The following BAIAP2 variants were observed in gnomAD, a reference collection of about 807,000 sequenced individuals.
The protein encoded by BAIAP2 is BAR/IMD domain-containing adapter protein 2.
BAIAP2 carries 18 observed loss-of-function variants against 63.0 expected under a neutral mutation model. The observed-to-expected ratio is 0.29, with a 90% CI of 0.20 to 0.42. The LOEUF (loss-of-function observed/expected upper bound fraction) is 0.42. Among genes scored for constraint, BAIAP2 ranks in the 10% least tolerant of loss-of-function variants. The probability of loss-of-function intolerance (pLI) is 1.00; values close to 1 mark genes in which losing one functional copy is unlikely to be tolerated. For missense variants in BAIAP2, 610 were observed against 734.3 expected (o/e 0.83, Z 1.96); for synonymous variants, 386 against 307.6 (o/e 1.25, Z -2.67).
chr17:81,109,387 A>C, intron 13 of BAIAP2: 1 of 997,298 alleles, frequency 1.0e-6, no homozygotes, highest in Non-Finnish European at 1.2e-6. Context: ...AAAAAAAAAA[A>C]AAAAAAAAGA....
chr17:81,099,062 G>T (rs773218373), intron 6 of BAIAP2, among the ~76,000 whole-genome samples: 63 of 146,074 alleles, frequency 4.3e-4, no homozygotes, highest in South Asian at 8.9e-4. Context: ...GCAGCAATCA[G>T]GCCTACTTCT....
At chr17:81,099,429 GGGCTGAGAT>G (rs111354722) in intron 6 of BAIAP2, among the ~76,000 whole-genome samples, 34,914 of 151,682 alleles carry the variant, frequency 0.23, 4,621 homozygotes, top group Admixed American at 0.36. Flanking sequence ...TTTCGTGCTG[GGGCTGAGAT>G]GGCTGAGATG....
intron 13 of BAIAP2, chr17:81,109,050 C>T: frequency 1.3e-6 from 2 of 1,520,150 alleles, no homozygotes; most frequent in Non-Finnish European, 1.8e-6. Flanking sequence ...CGCCTTCCCC[C>T]TGGTCTCGTC....
At chr17:81,092,178 C>T (rs567190902) in intron 6 of BAIAP2, among the ~76,000 whole-genome samples, 10 of 152,378 alleles carry the variant, frequency 6.6e-5, no homozygotes, top group Admixed American at 5.9e-4. Context: ...AGCTGCACCC[C>T]ACCTGAGCTG....
chr17:81,071,165 G>A (rs905424296), intron 3 of BAIAP2, among the ~76,000 whole-genome samples: 3 of 152,012 alleles, frequency 2.0e-5, no homozygotes, highest in Non-Finnish European at 4.4e-5. Flanking sequence ...TTGTAGGTGG[G>A]AGAAGAACTC....
chr17:81,041,697 C>T (rs2047101619), intron 1 of BAIAP2, among the ~76,000 whole-genome samples: 1 of 152,148 alleles, frequency 6.6e-6, no homozygotes, highest in Non-Finnish European at 1.5e-5. Context: ...GCCCCAGCCT[C>T]CCAAGTAGCT....
In BAIAP2 at chr17:81,049,055, A is replaced by G. The variant is rs368351919; in HGVS notation, c.55-4613A>G. Among the ~76,000 whole-genome samples, 148 of 152,338 alleles carry G rather than the reference A, an allele frequency of 9.7e-4. 2 individuals carry two copies. The highest frequency in any genetic ancestry group is 3.0e-3 in the African/African-American group (126 of 41,578). ...GTTCCCTGGTCAATAGTGAATGAAC[A>G]AACGAGGAACTGGAAGTCCGTGCCG... is the stretch of plus-strand genomic sequence containing the variant. On this transcript the variant is annotated intron_variant, in intron 1 of 13. Transcript: ENST00000428708.
At chr17:81,055,075 C>T (rs907257397) in intron 2 of BAIAP2, among the ~76,000 whole-genome samples, 1 of 151,970 alleles carries the variant, frequency 6.6e-6, no homozygotes, top group African/African-American at 2.4e-5. Context: ...TGCCGGCGCC[C>T]CCGGCTCCTC....
At chr17:81,085,958 C>T (rs2055548070) in intron 5 of BAIAP2, among the ~76,000 whole-genome samples, 1 of 152,212 alleles carries the variant, frequency 6.6e-6, no homozygotes, top group African/African-American at 2.4e-5. Context: ...GGTTCCATGC[C>T]CCGGCTTTGG....
At chr17:81,045,937 C>T (rs1407505674) in intron 1 of BAIAP2, among the ~76,000 whole-genome samples, 1 of 152,180 alleles carries the variant, frequency 6.6e-6, no homozygotes, top group African/African-American at 2.4e-5. Flanking sequence ...TTCCTGCCTC[C>T]AGAGAGGTGC....
At chr17:81,058,173 G>C (rs1268622394) in intron 3 of BAIAP2, among the ~76,000 whole-genome samples, 3 of 152,354 alleles carry the variant, frequency 2.0e-5, no homozygotes, top group Middle Eastern at 3.4e-3. Flanking sequence ...CCCCTGAGGC[G>C]TGCAGCCTGG....
chr17:81,090,998 T>C (rs1170203750), intron 6 of BAIAP2, among the ~76,000 whole-genome samples: 2 of 152,110 alleles, frequency 1.3e-5, no homozygotes, highest in Non-Finnish European at 2.9e-5. Context: ...CTGGGCTGGC[T>C]GGCCCCGCCT....
intron 1 of BAIAP2, among the ~76,000 whole-genome samples, chr17:81,042,342 G>GAT (rs2047201253): frequency 6.6e-6 from 1 of 151,028 alleles, no homozygotes; most frequent in South Asian, 2.1e-4. Context: ...TTTTGGTAGA[G>GAT]ATGAGGTCTT....
At chr17:81,104,253 A>G (rs1227235674) in intron 9 of BAIAP2, 145 bp downstream of exon 9, 16 of 962,080 alleles carry the variant, frequency 1.7e-5, no homozygotes, top group Non-Finnish European at 1.6e-5. Flanking sequence ...CATGTGGTAC[A>G]CACACGTGTG....
chr17:81,047,696 ACG>A (rs1410015760), intron 1 of BAIAP2, among the ~76,000 whole-genome samples: 1 of 151,500 alleles, frequency 6.6e-6, no homozygotes, highest in African/African-American at 2.4e-5. Flanking sequence ...CCCACAGCAC[ACG>A]CACGGGTCCA....
chr17:81,035,298 A>G lies in BAIAP2; in HGVS notation c.44A>G (p.Asn15Ser), dbSNP rs564046878. Residue 15 changes from asparagine (N) to serine (S), a missense_variant, in exon 1 of 14, where the codon AAT becomes AGT. Physicochemically the swap from Asn to Ser is conservative, Grantham distance 46. Transcript: ENST00000428708. ...GAGGAGATGCACCGGCTCACGGAAA[A>G]TGTCTATAAGGTGAGCGCCCCCCGG... ...RSEEMHRLTE[N>S]VYKTIMEQFN... The G allele has an allele frequency of 5.3e-6, 8 of 1,503,966 alleles. No individual in the cohort carries two copies. The East Asian group carries it at 2.3e-4, about 43-fold the overall frequency. 93.2% of individuals were successfully genotyped at this position (1,503,966 alleles called of 1,614,324 possible). A position where few individuals can be genotyped will look rare whatever the true frequency, so the allele number is the denominator to read the frequency against.
At chr17:81,078,039 G>A (rs1389953281) in intron 3 of BAIAP2, among the ~76,000 whole-genome samples, 1 of 140,476 alleles carries the variant, frequency 7.1e-6, no homozygotes, top group Non-Finnish European at 1.5e-5. Context: ...ATCTTGGGTG[G>A]GAGCCAGGCA....
intron 1 of BAIAP2, among the ~76,000 whole-genome samples, chr17:81,049,980 C>A (rs912436335): frequency 6.6e-6 from 1 of 152,214 alleles, no homozygotes; most frequent in South Asian, 2.1e-4. Context: ...CTCAGAGAGA[C>A]GCCTGACCAG....
intron 1 of BAIAP2, among the ~76,000 whole-genome samples, chr17:81,042,937 G>A (rs1043353092): frequency 6.6e-6 from 1 of 152,114 alleles, no homozygotes; most frequent in Non-Finnish European, 1.5e-5. Flanking sequence ...AGGCTGGAGT[G>A]CAGTGGTGTG....
Sources: allele counts gnomAD v4.1 joint callset (sites outside exome capture counted in the v4.1 genomes callset), GRCh38; gene constraint gnomAD v4.1.1; transcripts MANE v1.5; gene names NCBI Gene and HGNC (gene_info 2026-07-23, HGNC 2026-07-21).